Variants in LCORL observed in about 807,000 individuals in gnomAD.
LCORL encodes the protein ligand-dependent nuclear receptor corepressor-like protein.
A neutral mutation model predicts 141.8 loss-of-function variants in LCORL; 41 were observed. The observed-to-expected ratio is 0.29, with a 90% confidence interval of 0.23 to 0.38. The LOEUF is 0.38. Among genes scored for constraint, LCORL ranks in the 10% least tolerant of loss-of-function variants. LCORL has a pLI of 1.00. For synonymous variants in LCORL, 618 were observed against 694.1 expected, an observed-to-expected ratio of 0.89 and a Z score of 1.72; for missense variants, 1,759 against 2,035.0, an observed-to-expected ratio of 0.86 and a Z score of 2.61.
intron 4 of LCORL, among the ~76,000 whole-genome samples, chr4:17,920,071 A>C (rs1021656583): frequency 2.6e-5 from 4 of 152,238 alleles, no homozygotes; most frequent in African/African-American, 9.6e-5. Flanking sequence ...CTTCAGAATA[A>C]GCCAGTTAAG....
chr4:17,950,423 G>C (rs1412296014), intron 4 of LCORL, among the ~76,000 whole-genome samples: 1 of 152,072 alleles, frequency 6.6e-6, no homozygotes, highest in African/African-American at 2.4e-5. Context: ...ATAGACAAAG[G>C]ACATATCACG....
chr4:17,853,609 A>G (rs968346076), intron 7 of LCORL, among the ~76,000 whole-genome samples: 1 of 152,152 alleles, frequency 6.6e-6, no homozygotes, highest in African/African-American at 2.4e-5. Flanking sequence ...GGAATAGTTA[A>G]TGTACTTGAC....
intron 1 of LCORL, among the ~76,000 whole-genome samples, chr4:17,980,664 G>C (rs1193713561): frequency 1.3e-5 from 2 of 152,192 alleles, no homozygotes; most frequent in Admixed American, 1.3e-4. Flanking sequence ...ATTGTTTTTA[G>C]AAGAAAGGTT....
chr4:17,919,436 T>C (rs1733954738), intron 4 of LCORL, among the ~76,000 whole-genome samples: 1 of 151,898 alleles, frequency 6.6e-6, no homozygotes, highest in African/African-American at 2.4e-5. Flanking sequence ...AGCAAAACTA[T>C]CAAATAAAAA....
exon 7 of LCORL, chr4:17,875,088 G>C (rs909531341): frequency 2.8e-5 from 34 of 1,233,546 alleles, no homozygotes; most frequent in Non-Finnish European, 3.4e-5. Flanking sequence ...ATCCATTTGA[G>C]TGCACTGTTG....
intron 4 of LCORL, among the ~76,000 whole-genome samples, chr4:17,959,856 A>C (rs755308746): frequency 1.3e-5 from 2 of 152,148 alleles, no homozygotes; most frequent in Non-Finnish European, 2.9e-5. Flanking sequence ...ACACGTCATA[A>C]TACTACTCCA....
rs546032607 is a variant in LCORL at position 17,842,723 on chromosome 4, T to TTCTG, written c.*3161_*3164dup. 3.9e-5 allele frequency: 8 copies of TTCTG among 207,034 alleles called. No homozygotes were observed. The East Asian group carries it at 9.6e-4, about 25-fold the overall frequency. The allele number at this position is 207,034 out of a possible 1,614,324, so 12.8% of individuals were successfully genotyped here. ...CTACACTTACATACTGATAGAATAA[T>TTCTG]TCTGTCTATAATTTGGGTATATTGT... is the stretch of plus-strand genomic sequence containing the variant. On this transcript the variant is annotated 3_prime_UTR_variant, in exon 8 of 8. Transcript: ENST00000635767.
In LCORL at chr4:18,011,785, C is replaced by T. The variant is rs76166712; in HGVS notation, c.154+9813G>A. Among the ~76,000 whole-genome samples the T allele has an allele frequency of 7.7e-3, 1,180 of 152,258 alleles. 11 individuals carry two copies. The highest frequency in any genetic ancestry group is 0.027 in the African/African-American group (1,116 of 41,542). On this transcript the variant is annotated intron_variant, in intron 1 of 7. Coordinates refer to ENST00000635767, the Ensembl canonical transcript of LCORL. ...GGAGGTGAGTAGCTGCAATAGAGAC[C>T]AGATGGCCCACAAAGCCTAAAACAT...
intron 6 of LCORL, chr4:17,881,185 A>C (rs1199469067): frequency 1.4e-5 from 14 of 979,368 alleles, no homozygotes; most frequent in Middle Eastern, 5.2e-4. Flanking sequence ...AAAATACTTG[A>C]GGAACATTCA....
rs187229355 is a variant in LCORL, at chr4:17,941,174, A to C, written c.430+20729T>G. 3.3e-4 allele frequency among the ~76,000 whole-genome samples: 50 copies of C among 152,306 alleles called. No homozygotes were observed. In the East Asian group the frequency reaches 8.3e-3, roughly 25 times the overall value. ...GGCAGATCACGAGGTCAGGAGATCA[A>C]GACTATCCCGGCTAACACGGTGAAA... On this transcript the variant is annotated intron_variant, in intron 4 of 7. Transcript: ENST00000635767.
intron 5 of LCORL, among the ~76,000 whole-genome samples, chr4:17,897,162 T>C (rs1405402167): frequency 1.5e-5 from 2 of 132,008 alleles, no homozygotes; most frequent in African/African-American, 5.3e-5. Flanking sequence ...CTATTGTGAA[T>C]AAAACTGCAA....
chr4:17,965,733 T>C (rs1021465408), intron 2 of LCORL, among the ~76,000 whole-genome samples: 1 of 152,090 alleles, frequency 6.6e-6, no homozygotes, highest in South Asian at 2.1e-4. Flanking sequence ...TTAACTTGAG[T>C]TTCAGATTCT....
intron 4 of LCORL, among the ~76,000 whole-genome samples, chr4:17,914,750 C>A (rs1012960091): frequency 6.6e-6 from 1 of 152,192 alleles, no homozygotes; most frequent in Non-Finnish European, 1.5e-5. Context: ...TGTTGCCACC[C>A]GGAAATAGGG....
At chr4:18,005,297 A>G (rs1278085249) in intron 1 of LCORL, among the ~76,000 whole-genome samples, 1 of 152,106 alleles carries the variant, frequency 6.6e-6, no homozygotes, top group Non-Finnish European at 1.5e-5. Context: ...ATGGGTTCCC[A>G]TGGTCTTGGG....
At chr4:18,020,748 G>A (rs1560495051) in intron 1 of LCORL, 1 of 152,032 alleles carries the variant, frequency 6.6e-6, no homozygotes, top group Non-Finnish European at 1.5e-5. Context: ...CGATGCGTAT[G>A]CGTGTATATG....
intron 7 of LCORL, among the ~76,000 whole-genome samples, chr4:17,869,501 C>A (rs1289991790): frequency 6.6e-6 from 1 of 152,100 alleles, no homozygotes; most frequent in Non-Finnish European, 1.5e-5. Context: ...TTGCCTTCTC[C>A]CTTCTTACAA....
intron 1 of LCORL, among the ~76,000 whole-genome samples, chr4:18,017,253 T>C (rs1724777515): frequency 1.3e-5 from 2 of 152,130 alleles, no homozygotes; most frequent in Non-Finnish European, 2.9e-5. Flanking sequence ...TGTCTGAATG[T>C]CAACTAATAA....
At chr4:17,882,001 T>C in intron 6 of LCORL, 5 of 978,448 alleles carry the variant, frequency 5.1e-6, no homozygotes, top group Non-Finnish European at 6.1e-6. Context: ...AAAAGAGGAT[T>C]CATACCCTAG....
chr4:17,927,160 T>G (rs1349196349), intron 4 of LCORL, among the ~76,000 whole-genome samples: 4 of 152,228 alleles, frequency 2.6e-5, no homozygotes, highest in Non-Finnish European at 5.9e-5. Flanking sequence ...CAGTTTCATG[T>G]AATGGAGACA....
Sources: gnomAD v4.1 joint callset for allele counts (sites outside exome capture counted in the v4.1 genomes callset) on GRCh38, gnomAD v4.1.1 for gene constraint, MANE v1.5 for transcripts, NCBI Gene and HGNC (gene_info 2026-07-23, HGNC 2026-07-21) for gene names.